The following BRINP3 variants were observed in gnomAD, a reference collection of about 807,000 sequenced individuals.
BRINP3 encodes the protein BMP/retinoic acid-inducible neural-specific protein 3.
BRINP3 carries 19 observed loss-of-function variants against 71.0 expected under a neutral mutation model. That is an observed-to-expected ratio of 0.27 (90% CI 0.19 to 0.39). The LOEUF is 0.39. Among genes scored for constraint, BRINP3 ranks in the 10% least tolerant of loss-of-function variants. The pLI is 1.00. For synonymous variants in BRINP3, 380 were observed against 337.7 expected (o/e 1.13, Z -1.37); for missense variants, 959 against 940.8 (o/e 1.02, Z -0.25).
intron 2 of BRINP3, among the ~76,000 whole-genome samples, chr1:190,349,823 A>G (rs1668256691): frequency 6.6e-6 from 1 of 152,164 alleles, no homozygotes. Flanking sequence ...ATAATAGAGG[A>G]AGAAAGTGCT....
intron 2 of BRINP3, among the ~76,000 whole-genome samples, chr1:190,436,092 T>C (rs1216247567): frequency 6.6e-6 from 1 of 151,944 alleles, no homozygotes; most frequent in Non-Finnish European, 1.5e-5. Context: ...GATCCAGTTA[T>C]AATACTGGTT....
chr1:190,416,071 A>G (rs1175950800), intron 2 of BRINP3, among the ~76,000 whole-genome samples: 1 of 152,114 alleles, frequency 6.6e-6, no homozygotes, highest in Non-Finnish European at 1.5e-5. Flanking sequence ...ATGCCTTTTA[A>G]GTTGACATAT....
At chr1:190,429,770 T>C (rs1214492590) in intron 2 of BRINP3, among the ~76,000 whole-genome samples, 2 of 152,120 alleles carry the variant, frequency 1.3e-5, no homozygotes, top group East Asian at 1.9e-4. Flanking sequence ...TTTGTATTTT[T>C]AGTCGAGACA....
intron 7 of BRINP3, among the ~76,000 whole-genome samples, chr1:190,122,748 C>A (rs1653778827): frequency 6.6e-6 from 1 of 152,076 alleles, no homozygotes; most frequent in South Asian, 2.1e-4. Flanking sequence ...ACCTTGATTT[C>A]AGAATTATAT....
At chr1:190,125,585 AG>A (rs1654022974) in intron 7 of BRINP3, among the ~76,000 whole-genome samples, 1 of 151,996 alleles carries the variant, frequency 6.6e-6, no homozygotes, top group African/African-American at 2.4e-5. Flanking sequence ...ATTATCTTAA[AG>A]AAATTTCTAC....
intron 6 of BRINP3, among the ~76,000 whole-genome samples, chr1:190,189,883 G>C (rs1276174823): frequency 6.6e-6 from 1 of 152,112 alleles, no homozygotes; most frequent in Non-Finnish European, 1.5e-5. Flanking sequence ...TTATAGACTA[G>C]CTTTTTCTAG....
At chr1:190,175,477 C>A (rs1366845357) in intron 6 of BRINP3, among the ~76,000 whole-genome samples, 4 of 152,108 alleles carry the variant, frequency 2.6e-5, no homozygotes, top group South Asian at 2.1e-4. Context: ...CTTAACTCAT[C>A]CTAAAAACTA....
In BRINP3 at chr1:190,372,867, A is replaced by C. The variant is rs993727513; in HGVS notation, c.236+81788T>G. ...GTAACAAATGTTAAACAAATAGTTC[A>C]CAGACAAAGCTCTGTAGTAATATCA... On this transcript the variant is annotated intron_variant, in intron 2 of 7. Transcript: ENST00000367462. Among the ~76,000 whole-genome samples, 7 of 152,346 alleles carry C rather than the reference A, an allele frequency of 4.6e-5. No individual in the cohort carries two copies. The South Asian group carries it at 1.0e-3, about 23-fold the overall frequency.
At chr1:190,371,893 G>A (rs1157800797) in intron 2 of BRINP3, among the ~76,000 whole-genome samples, 1 of 152,096 alleles carries the variant, frequency 6.6e-6, no homozygotes, top group African/African-American at 2.4e-5. Flanking sequence ...TATGAGGTCT[G>A]TACAACCAGT....
At chr1:190,390,364 T>C (rs1415296549) in intron 2 of BRINP3, among the ~76,000 whole-genome samples, 2 of 151,782 alleles carry the variant, frequency 1.3e-5, no homozygotes, top group Admixed American at 1.3e-4. Flanking sequence ...AATGACAATG[T>C]CTAAGACATG....
At chr1:190,416,935 C>G (rs1423501443) in intron 2 of BRINP3, among the ~76,000 whole-genome samples, 2 of 152,150 alleles carry the variant, frequency 1.3e-5, no homozygotes, top group Middle Eastern at 3.2e-3. Flanking sequence ...TTGGGATTAT[C>G]TGTTTCTCTG....
intron 2 of BRINP3, among the ~76,000 whole-genome samples, chr1:190,396,735 T>TATATATATATATATATATAA (rs1558249183): frequency 6.9e-6 from 1 of 144,146 alleles, no homozygotes; most frequent in African/African-American, 2.5e-5. Context: ...TATATATATA[T>TATATATATATATATATATAA]ATATGTAACT....
chr1:190,384,219 G>A (rs1038108443), intron 2 of BRINP3, among the ~76,000 whole-genome samples: 14 of 150,810 alleles, frequency 9.3e-5, no homozygotes, highest in African/African-American at 3.4e-4. Context: ...TGTTAGTATA[G>A]TGTCATGAAT....
chr1:190,097,867 T>A lies in BRINP3; in HGVS notation c.*151A>T, dbSNP rs1651339350. ...GTATAATATATTCATTGTCAGCAAG[T>A]TCATGTGTGTAAATTGCCATCCAAT... On this transcript the variant is annotated 3_prime_UTR_variant, in exon 8 of 8. Coordinates refer to ENST00000367462, the MANE Select transcript of BRINP3 (RefSeq NM_199051.3). The A allele has an allele frequency of 1.2e-6, 1 of 827,316 alleles. No homozygotes were observed. The highest frequency in any genetic ancestry group is 1.9e-6 in the Non-Finnish European group (1 of 535,112). 51.2% of individuals were successfully genotyped at this position (827,316 alleles called of 1,614,324 possible). A position where few individuals can be genotyped will look rare whatever the true frequency, so the allele number is the denominator to read the frequency against.
At chr1:190,175,506 A>T (rs1262054004) in intron 6 of BRINP3, among the ~76,000 whole-genome samples, 1 of 152,182 alleles carries the variant, frequency 6.6e-6, no homozygotes, top group Non-Finnish European at 1.5e-5. Context: ...ATTTCCAGGA[A>T]TGTTGTGTTT....
At chr1:190,450,605 C>A (rs1675542533) in intron 2 of BRINP3, among the ~76,000 whole-genome samples, 1 of 151,936 alleles carries the variant, frequency 6.6e-6, no homozygotes, top group Non-Finnish European at 1.5e-5. Context: ...AATTCTTATT[C>A]CTGATGAAAA....
intron 7 of BRINP3, among the ~76,000 whole-genome samples, chr1:190,144,433 G>A (rs1257955302): frequency 6.6e-6 from 1 of 151,764 alleles, no homozygotes; most frequent in Non-Finnish European, 1.5e-5. Context: ...GTCTCATCTG[G>A]GATGTTAGTA....
At position 190,098,236 on chromosome 1, in the gene BRINP3, A is replaced by G; in HGVS notation, c.2083T>C (p.Ser695Pro). ...AGTTGCAAAAGTGCTGAATCCTGGG[A>G]TCCCTGAGTATAGGGGTAGTCCAGC... ...LQLDYPYTQG[S>P]QDSALLQLLE... The change falls in exon 8 of 8, where the codon TCC (serine) becomes CCC (proline). Residue 695 changes from serine to proline, a missense_variant. By Grantham distance (74) the Ser-to-Pro change is moderately conservative. Coordinates refer to ENST00000367462, the MANE Select transcript of BRINP3 (RefSeq NM_199051.3). 6.2e-7 allele frequency: 1 copy of G among 1,614,168 alleles called. No individual in the cohort carries two copies. The highest frequency in any genetic ancestry group is 8.5e-7 in the Non-Finnish European group (1 of 1,180,030).
At chr1:190,456,145 C>A (rs989906331) in intron 1 of BRINP3, among the ~76,000 whole-genome samples, 3 of 152,246 alleles carry the variant, frequency 2.0e-5, no homozygotes, top group Non-Finnish European at 4.4e-5. Flanking sequence ...AATAAGAACA[C>A]TGGTGGTTTT....
Sources: gnomAD v4.1 joint callset for allele counts (sites outside exome capture counted in the v4.1 genomes callset) on GRCh38, gnomAD v4.1.1 for gene constraint, MANE v1.5 for transcripts, NCBI Gene and HGNC (gene_info 2026-07-23, HGNC 2026-07-21) for gene names.